The following DTNB variants were observed in gnomAD, a reference collection of about 807,000 sequenced individuals.
The protein encoded by DTNB is dystrobrevin beta.
DTNB carries 63 observed loss-of-function variants against 90.7 expected under a neutral mutation model. The observed-to-expected ratio is 0.69, with a 90% CI of 0.57 to 0.86. The LOEUF is 0.86. Among genes scored for constraint, DTNB ranks in the 40% least tolerant of loss-of-function variants. The pLI, the probability that DTNB is intolerant of heterozygous loss-of-function variation, is 0.00. For synonymous variants in DTNB, 277 were observed against 286.7 expected (o/e 0.97, Z 0.34); for missense variants, 744 against 807.1 (o/e 0.92, Z 0.95).
chr2:25,630,192 C>G (rs1433437054), intron 3 of DTNB, among the ~76,000 whole-genome samples: 1 of 152,228 alleles, frequency 6.6e-6, no homozygotes, highest in African/African-American at 2.4e-5. Context: ...TAACATACCA[C>G]TTCACACCAG....
intron 9 of DTNB, among the ~76,000 whole-genome samples, chr2:25,521,303 C>T (rs770514692): frequency 6.6e-6 from 1 of 151,738 alleles, no homozygotes; most frequent in Non-Finnish European, 1.5e-5. Context: ...TGGTCTCAGT[C>T]GTTAATGACT....
At chr2:25,469,228 T>C (rs957788564) in intron 10 of DTNB, among the ~76,000 whole-genome samples, 42 of 152,076 alleles carry the variant, frequency 2.8e-4, no homozygotes, top group African/African-American at 9.7e-4. Flanking sequence ...AAGTTGAAAC[T>C]TGGGTGATAA....
At chr2:25,554,197 G>A (rs2056880965) in intron 8 of DTNB, among the ~76,000 whole-genome samples, 1 of 152,176 alleles carries the variant, frequency 6.6e-6, no homozygotes, top group South Asian at 2.1e-4. Context: ...CTCCTAATTG[G>A]GCTGTCATCA....
At chr2:25,383,314 C>G (rs971705618) in intron 19 of DTNB, among the ~76,000 whole-genome samples, 1 of 149,232 alleles carries the variant, frequency 6.7e-6, no homozygotes, top group Non-Finnish European at 1.5e-5. Context: ...CTCCCAGGTT[C>G]AAGTGATTCT....
chr2:25,550,864 G>A (rs924508965), intron 8 of DTNB, among the ~76,000 whole-genome samples: 1 of 152,094 alleles, frequency 6.6e-6, no homozygotes, highest in African/African-American at 2.4e-5. Context: ...TGGCCACGCT[G>A]GTCTCAAACT....
At chr2:25,382,305 G>A (rs1256326073) in intron 19 of DTNB, among the ~76,000 whole-genome samples, 1 of 152,104 alleles carries the variant, frequency 6.6e-6, no homozygotes, top group African/African-American at 2.4e-5. Context: ...CTAAGCACCA[G>A]GCACTGGAAC....
intron 4 of DTNB, among the ~76,000 whole-genome samples, chr2:25,617,107 G>A (rs1431881595): frequency 2.0e-5 from 3 of 151,926 alleles, no homozygotes; most frequent in East Asian, 1.9e-4. Context: ...AACAAACTAC[G>A]AATCTTCTCT....
chr2:25,487,726 G>A (rs1015558187), intron 9 of DTNB, among the ~76,000 whole-genome samples: 4 of 152,216 alleles, frequency 2.6e-5, no homozygotes, highest in African/African-American at 9.6e-5. Context: ...GATAGAAATA[G>A]TATGTAAAAT....
At chr2:25,427,395 G>A in intron 15 of DTNB, 140 bp downstream of exon 15, 2 of 721,630 alleles carry the variant, frequency 2.8e-6, no homozygotes, top group Non-Finnish European at 4.3e-6. Flanking sequence ...TACCCAATTA[G>A]GCTAAATTTA....
In DTNB at chr2:25,576,242, T is replaced by TC. The variant is rs1338134321; in HGVS notation, c.876+595_876+596insG. Among the ~76,000 whole-genome samples, 912 of 146,100 alleles carry TC rather than the reference T, an allele frequency of 6.2e-3. 35 individuals are homozygous for TC. The highest frequency in any genetic ancestry group is 0.023 in the African/African-American group (866 of 38,186). On this transcript the variant is annotated intron_variant, in intron 8 of 20. Transcript: ENST00000406818. Reference sequence around the variant, plus strand: ...TTTTGTTTTTTTTTTTTTTTTTTTTTTGAGACAGAGTCTTACTCTGTTGCC... The same window carrying TC: ...TTTTGTTTTTTTTTTTTTTTTTTTTTCTGAGACAGAGTCTTACTCTGTTGCC...
chr2:25,493,090 C>A (rs1230152433), intron 9 of DTNB, among the ~76,000 whole-genome samples: 1 of 152,178 alleles, frequency 6.6e-6, no homozygotes, highest in East Asian at 1.9e-4. Flanking sequence ...TCCTGCAATT[C>A]TCTTTTACAT....
At chr2:25,483,201 G>A (rs969975606) in intron 9 of DTNB, among the ~76,000 whole-genome samples, 2 of 152,234 alleles carry the variant, frequency 1.3e-5, no homozygotes, top group African/African-American at 4.8e-5. Context: ...ACTGCAGGAC[G>A]TAACTTTGGT....
chr2:25,448,678 C>A (rs896478113), intron 12 of DTNB, among the ~76,000 whole-genome samples: 4 of 151,924 alleles, frequency 2.6e-5, no homozygotes, highest in African/African-American at 9.7e-5. Context: ...CACGGTGAAA[C>A]CCCATCTCTA....
chr2:25,610,074 G>A (rs1342385230), intron 4 of DTNB, among the ~76,000 whole-genome samples: 1 of 152,186 alleles, frequency 6.6e-6, no homozygotes, highest in Non-Finnish European at 1.5e-5. Flanking sequence ...TCTAAGCAGT[G>A]TGAAGTCTGA....
chr2:25,541,893 C>T (rs1199517990), intron 8 of DTNB, among the ~76,000 whole-genome samples: 1 of 152,142 alleles, frequency 6.6e-6, no homozygotes, highest in Non-Finnish European at 1.5e-5. Flanking sequence ...ACAATGGTTA[C>T]GATTTCTTAG....
At chr2:25,464,241 T>A (rs1394983807) in intron 10 of DTNB, among the ~76,000 whole-genome samples, 1 of 152,112 alleles carries the variant, frequency 6.6e-6, no homozygotes, top group Non-Finnish European at 1.5e-5. Context: ...CATTCTCTAA[T>A]AAAGGAGCCA....
At chr2:25,660,433 C>T (rs915790935) in intron 1 of DTNB, among the ~76,000 whole-genome samples, 57 of 151,990 alleles carry the variant, frequency 3.8e-4, no homozygotes, top group Non-Finnish European at 2.5e-4. Context: ...GGAGGGTTGA[C>T]GGGGGAAGGT....
chr2:25,531,631 C>T, intron 8 of DTNB, 34 bp from the exon 9 acceptor site: 1 of 1,579,378 alleles, frequency 6.3e-7, no homozygotes, highest in Non-Finnish European at 8.5e-7. Flanking sequence ...AGGAATTAAC[C>T]CTTCAAAAGA....
intron 6 of DTNB, among the ~76,000 whole-genome samples, chr2:25,581,807 C>T (rs1052083598): frequency 1.3e-5 from 2 of 152,210 alleles, no homozygotes; most frequent in Non-Finnish European, 2.9e-5. Context: ...AAGATAGTTC[C>T]GTGATTGTAA....
Sources: gnomAD v4.1 joint callset for allele counts (sites outside exome capture counted in the v4.1 genomes callset) on GRCh38, gnomAD v4.1.1 for gene constraint, MANE v1.5 for transcripts, NCBI Gene and HGNC (gene_info 2026-07-23, HGNC 2026-07-21) for gene names.